CAMKMT: variants seen among roughly 807,000 people sequenced by gnomAD.
The protein encoded by CAMKMT is calmodulin-lysine N-methyltransferase.
Under a neutral mutation model 48.0 loss-of-function variants are expected in CAMKMT, and 53 were observed. That is an observed-to-expected ratio of 1.10 (90% CI 0.89 to 1.39). The LOEUF is 1.39. Among genes scored for constraint, CAMKMT ranks in the 40% most tolerant of loss-of-function variants. The pLI is 0.00. For missense variants in CAMKMT, 428 were observed against 402.7 expected, an observed-to-expected ratio of 1.06 and a Z score of -0.54; for synonymous variants, 165 against 152.3, an observed-to-expected ratio of 1.08 and a Z score of -0.61.
At chr2:44,567,020 A>G (rs779635306) in intron 3 of CAMKMT, among the ~76,000 whole-genome samples, 40 of 152,270 alleles carry the variant, frequency 2.6e-4, no homozygotes, top group Non-Finnish European at 5.1e-4. Flanking sequence ...GCTTGGGGGA[A>G]AAGAATAGCT....
At chr2:44,552,855 G>A (rs780427880) in intron 3 of CAMKMT, among the ~76,000 whole-genome samples, 4 of 152,102 alleles carry the variant, frequency 2.6e-5, no homozygotes, top group Non-Finnish European at 2.9e-5. Flanking sequence ...GACAGGATAA[G>A]TTTATGTCAT....
chr2:44,668,325 G>T (rs1335106129), intron 3 of CAMKMT, among the ~76,000 whole-genome samples: 1 of 152,050 alleles, frequency 6.6e-6, no homozygotes, highest in African/African-American at 2.4e-5. Context: ...CCTCACTAAG[G>T]CTAGGCATTC....
intron 3 of CAMKMT, among the ~76,000 whole-genome samples, chr2:44,628,678 C>T (rs1257424841): frequency 6.6e-6 from 1 of 151,868 alleles, no homozygotes; most frequent in African/African-American, 2.4e-5. Flanking sequence ...TGCAAATTGA[C>T]CCTGTAAGCC....
chr2:44,498,453 C>T (rs913215221), intron 3 of CAMKMT, among the ~76,000 whole-genome samples: 6 of 152,176 alleles, frequency 3.9e-5, no homozygotes, highest in African/African-American at 1.4e-4. Flanking sequence ...CACACATATA[C>T]ATTCTCTACG....
chr2:44,571,564 A>G (rs1668904549), intron 3 of CAMKMT, among the ~76,000 whole-genome samples: 1 of 152,210 alleles, frequency 6.6e-6, no homozygotes, highest in African/African-American at 2.4e-5. Flanking sequence ...CTTAATAACA[A>G]AGACTTTATA....
intron 3 of CAMKMT, among the ~76,000 whole-genome samples, chr2:44,500,646 A>G (rs934008725): frequency 1.4e-5 from 2 of 147,076 alleles, no homozygotes; most frequent in Admixed American, 6.8e-5. Flanking sequence ...AGTTGACTCA[A>G]TTTTCCAACA....
chr2:44,530,650 A>G (rs1666434582), intron 3 of CAMKMT, among the ~76,000 whole-genome samples: 1 of 152,102 alleles, frequency 6.6e-6, no homozygotes, highest in African/African-American at 2.4e-5. Flanking sequence ...TACTAAAATG[A>G]GAGACATTTT....
chr2:44,642,764 G>A (rs529505154), intron 3 of CAMKMT, among the ~76,000 whole-genome samples: 5 of 152,216 alleles, frequency 3.3e-5, no homozygotes, highest in East Asian at 3.9e-4. Flanking sequence ...CCTTCCCAGA[G>A]CATAAAAAGA....
At chr2:44,689,230 T>C (rs643206) in intron 3 of CAMKMT, among the ~76,000 whole-genome samples, 19,101 of 152,002 alleles carry the variant, frequency 0.13, 1,306 homozygotes, top group South Asian at 0.17. Context: ...TTGCTGCTCT[T>C]ACGTGCCTTT....
At chr2:44,366,534 A>G (rs192433124) in intron 1 of CAMKMT, among the ~76,000 whole-genome samples, 62 of 152,318 alleles carry the variant, frequency 4.1e-4, no homozygotes, top group Non-Finnish European at 6.9e-4. Flanking sequence ...TAGTTGTCAT[A>G]TAAGTCTTCC....
intron 3 of CAMKMT, among the ~76,000 whole-genome samples, chr2:44,501,680 T>C (rs1399601672): frequency 1.3e-5 from 2 of 152,106 alleles, no homozygotes. Context: ...AGGAAATATT[T>C]TTATAGGTGC....
intron 3 of CAMKMT, among the ~76,000 whole-genome samples, chr2:44,530,540 C>G (rs1264582908): frequency 6.6e-6 from 1 of 152,102 alleles, no homozygotes; most frequent in Admixed American, 6.6e-5. Context: ...TGTGAATGAT[C>G]CTAACAGCAC....
chr2:44,532,599 A>T (rs955827989), intron 3 of CAMKMT, among the ~76,000 whole-genome samples: 1 of 152,204 alleles, frequency 6.6e-6, no homozygotes, highest in Admixed American at 6.5e-5. Flanking sequence ...AACAGTGACA[A>T]TGCATAATAG....
chr2:44,480,403 A>T (rs1010649189), intron 3 of CAMKMT, among the ~76,000 whole-genome samples: 6 of 152,302 alleles, frequency 3.9e-5, no homozygotes, highest in African/African-American at 1.4e-4. Context: ...ACATTAAAAA[A>T]ATTTTCCCTG....
intron 3 of CAMKMT, among the ~76,000 whole-genome samples, chr2:44,637,199 C>A (rs1673182907): frequency 1.3e-5 from 2 of 152,150 alleles, no homozygotes; most frequent in Non-Finnish European, 2.9e-5. Flanking sequence ...TTTTAGAATA[C>A]TTTGTTAGTT....
chr2:44,367,495 G>A (rs1012515993), intron 1 of CAMKMT, among the ~76,000 whole-genome samples: 8 of 152,282 alleles, frequency 5.3e-5, no homozygotes, highest in Admixed American at 4.6e-4. Flanking sequence ...TGAATTTCAT[G>A]TTTAGACTTG....
intron 3 of CAMKMT, among the ~76,000 whole-genome samples, chr2:44,439,836 C>T (rs937689776): frequency 8.6e-5 from 13 of 150,654 alleles, no homozygotes; most frequent in Non-Finnish European, 1.3e-4. Context: ...TAAGAAATGC[C>T]GATATGCTGG....
In CAMKMT at chr2:44,561,315, T is replaced by C. The variant is rs529536081; in HGVS notation, c.377-142968T>C. On this transcript the variant is annotated intron_variant, in intron 3 of 10. Transcript: ENST00000378494. The stretch of plus-strand genomic sequence containing the variant: ...AGATTATCTGAATTCTCCATCTAGC[T>C]GGTGGTTTATAGTATGTGTACTTCC... 1.2e-4 allele frequency among the ~76,000 whole-genome samples: 19 copies of C among 152,348 alleles called. No homozygotes were observed. In the East Asian group the frequency reaches 3.7e-3, roughly 29 times the overall value.
chr2:44,586,094 T>C (rs6544763), intron 3 of CAMKMT, among the ~76,000 whole-genome samples: 97,195 of 152,016 alleles, frequency 0.64, 31,543 homozygotes, highest in Middle Eastern at 0.71. Flanking sequence ...TACAGAGGTA[T>C]GTACAGAGGT....
Sources: allele counts gnomAD v4.1 joint callset (sites outside exome capture counted in the v4.1 genomes callset), GRCh38; gene constraint gnomAD v4.1.1; transcripts MANE v1.5; gene names NCBI Gene and HGNC (gene_info 2026-07-23, HGNC 2026-07-21).